Variants in LPCAT2 observed in about 807,000 individuals in gnomAD.
LPCAT2 encodes the protein lysophosphatidylcholine acyltransferase 2.
A neutral mutation model predicts 64.7 loss-of-function variants in LPCAT2; 58 were observed. That is an observed-to-expected ratio of 0.90 (90% confidence interval 0.73 to 1.12). The LOEUF is 1.12. LPCAT2 is among the 50% of genes most tolerant of loss of function. The pLI is 0.00. For missense variants in LPCAT2, 579 were observed against 669.8 expected, an observed-to-expected ratio of 0.86 and a Z score of 1.50; for synonymous variants, 252 against 245.3, an observed-to-expected ratio of 1.03 and a Z score of -0.26.
At chr16:55,536,008 G>A (rs1210378021) in intron 7 of LPCAT2, among the ~76,000 whole-genome samples, 1 of 152,158 alleles carries the variant, frequency 6.6e-6, no homozygotes, top group East Asian at 1.9e-4. Flanking sequence ...AATATTTTGA[G>A]AGTCAAAAAT....
chr16:55,580,808 T>C (rs541657617), intron 13 of LPCAT2, among the ~76,000 whole-genome samples: 2 of 147,850 alleles, frequency 1.4e-5, no homozygotes, highest in Admixed American at 1.4e-4. Flanking sequence ...ATCTGATCAG[T>C]GGAGGCATTA....
At chr16:55,512,871 G>C (rs1156436744) in intron 1 of LPCAT2, among the ~76,000 whole-genome samples, 1 of 152,172 alleles carries the variant, frequency 6.6e-6, no homozygotes, top group African/African-American at 2.4e-5. Flanking sequence ...CTAGGACTAA[G>C]GCTTCAGTCT....
chr16:55,571,113 C>T (rs1453721232), intron 11 of LPCAT2, among the ~76,000 whole-genome samples: 1 of 152,024 alleles, frequency 6.6e-6, no homozygotes, highest in African/African-American at 2.4e-5. Context: ...GTATTCAAAA[C>T]CATATCCTTA....
chr16:55,568,332 C>T lies in LPCAT2; in HGVS notation c.1216-6299C>T, dbSNP rs11861884. 2.4e-3 allele frequency among the ~76,000 whole-genome samples: 360 copies of T among 152,272 alleles called. 2 individuals are homozygous for T. Among genetic ancestry groups the T allele is most frequent in the African/African-American group, 8.1e-3 (337 of 41,562 alleles). Reference sequence around the variant, plus strand: ...CCTGTTGACGTTAGCCAGCTCTTGTCGTGTCTTGTCCTGCCTTAGAGCAAG... The same window carrying T: ...CCTGTTGACGTTAGCCAGCTCTTGTTGTGTCTTGTCCTGCCTTAGAGCAAG... On this transcript the variant is annotated intron_variant, in intron 11 of 13. Transcript: ENST00000262134.
intron 11 of LPCAT2, among the ~76,000 whole-genome samples, chr16:55,558,065 T>C (rs1165406932): frequency 7.2e-5 from 11 of 152,238 alleles, no homozygotes; most frequent in Admixed American, 3.9e-4. Flanking sequence ...TTTATTTTCA[T>C]GAACTTGTTC....
chr16:55,541,375 A>G (rs1341928170), intron 8 of LPCAT2: 1 of 152,232 alleles, frequency 6.6e-6, no homozygotes, highest in Non-Finnish European at 1.5e-5. Context: ...ACATGTACAT[A>G]TCACTTTTAA....
intron 8 of LPCAT2, among the ~76,000 whole-genome samples, chr16:55,542,249 A>C (rs10521320): frequency 0.19 from 28,453 of 152,026 alleles, 2,916 homozygotes; most frequent in East Asian, 0.4. Context: ...CACAAATGAG[A>C]TGTTAACCTG....
At chr16:55,532,722 T>G in intron 5 of LPCAT2, 102 bp from the exon 6 acceptor site, 1 of 737,250 alleles carries the variant, frequency 1.4e-6, no homozygotes, top group South Asian at 1.7e-5. Context: ...TTACACATAC[T>G]CTTAAAATAT....
chr16:55,566,898 A>G, intron 11 of LPCAT2: 2 of 1,613,868 alleles, frequency 1.2e-6, no homozygotes, highest in Non-Finnish European at 1.7e-6. Context: ...TGTGAATTTT[A>G]TCAGTGAGGC....
intron 11 of LPCAT2, among the ~76,000 whole-genome samples, chr16:55,574,068 T>G (rs1963800402): frequency 1.3e-5 from 2 of 152,202 alleles, no homozygotes; most frequent in Non-Finnish European, 2.9e-5. Flanking sequence ...TCTTCTGGGG[T>G]GATGTCCCCC....
intron 3 of LPCAT2, 74 bp from the exon 4 acceptor site, chr16:55,529,761 A>G: frequency 1.6e-6 from 1 of 632,556 alleles, no homozygotes; most frequent in African/African-American, 1.9e-5. Context: ...ACAATATGTT[A>G]TATATCCAGT....
intron 11 of LPCAT2, chr16:55,551,332 TATC>T (rs35250402): frequency 0.81 from 154,439 of 190,440 alleles, 66,175 homozygotes; most frequent in Non-Finnish European, 0.93. Context: ...TATCATATCA[TATC>T]ATATCATATA....
rs144716638 is a variant in LPCAT2, at chr16:55,557,808, T to A, written c.1215+6706T>A. On this transcript the variant is annotated intron_variant, in intron 11 of 13. Transcript: ENST00000262134. ...TCTTCCCACCTGCATTCTTGGTTCG[T>A]CTACAAAAACTTCATAATGGTTTTT... Among the ~76,000 whole-genome samples the A allele has an allele frequency of 2.1e-3, 322 of 152,308 alleles. 3 individuals carry two copies. Among genetic ancestry groups the A allele is most frequent in the African/African-American group, 7.5e-3 (310 of 41,572 alleles).
chr16:55,579,150 G>A lies in LPCAT2; in HGVS notation c.1356G>A (p.Glu452=), dbSNP rs775721256. The A allele has an allele frequency of 1.5e-5, 25 of 1,613,320 alleles. No homozygotes were observed. The highest frequency in any genetic ancestry group is 2.0e-5 in the Non-Finnish European group (24 of 1,179,588). Residue 452 remains glutamate, a synonymous_variant, in exon 13 of 14, where the codon GAG becomes GAA. Coordinates refer to ENST00000262134, the MANE Select transcript of LPCAT2 (RefSeq NM_017839.5). ...VDEDGYITEE[E]FSTILQASLG... ...AGGATGGCTACATAACGGAGGAAGAGTTCTCCACCATTCTACAGGCTTCCC... is the reference window on the plus strand; with the variant it reads ...AGGATGGCTACATAACGGAGGAAGAATTCTCCACCATTCTACAGGCTTCCC...
intron 11 of LPCAT2, among the ~76,000 whole-genome samples, chr16:55,554,626 T>G (rs900971064): frequency 6.6e-6 from 1 of 152,244 alleles, no homozygotes; most frequent in Admixed American, 6.5e-5. Context: ...ATTTGTGTGT[T>G]CACTGGGGTA....
intron 13 of LPCAT2, 84 bp downstream of exon 13, chr16:55,579,328 TTAACTAATTAC>T: frequency 7.8e-7 from 1 of 1,284,404 alleles, no homozygotes; most frequent in South Asian, 1.5e-5. Context: ...ACTGTTTCTC[TTAACTAATTAC>T]ATTAATAATA....
intron 1 of LPCAT2, among the ~76,000 whole-genome samples, chr16:55,519,617 G>T (rs904820637): frequency 6.6e-6 from 1 of 151,962 alleles, no homozygotes; most frequent in Non-Finnish European, 1.5e-5. Flanking sequence ...AAGAGCACTG[G>T]AAATGGTAAA....
chr16:55,562,282 A>G (rs1963644996), intron 11 of LPCAT2, among the ~76,000 whole-genome samples: 1 of 151,698 alleles, frequency 6.6e-6, no homozygotes, highest in Non-Finnish European at 1.5e-5. Context: ...TATATCCCTT[A>G]TCTATTTGGA....
In LPCAT2 at chr16:55,528,413, T is replaced by C; in HGVS notation, c.348T>C (p.Arg116=). 6.2e-7 allele frequency: 1 copy of C among 1,614,006 alleles called. No homozygotes were observed. The highest frequency in any genetic ancestry group is 8.5e-7 in the Non-Finnish European group (1 of 1,179,932). ...ITQTALKFLG[R]AMFFSMGFIV... ...AAACAGCTTTGAAATTTCTGGGTCG[T>C]GCTATGTTCTTTTCAATGGGATTTA... Residue 116 remains arginine, a synonymous_variant, in exon 3 of 14, where the codon CGT becomes CGC. Transcript: ENST00000262134.
Sources: gnomAD v4.1 joint callset for allele counts (sites outside exome capture counted in the v4.1 genomes callset) on GRCh38, gnomAD v4.1.1 for gene constraint, MANE v1.5 for transcripts, NCBI Gene and HGNC (gene_info 2026-07-23, HGNC 2026-07-21) for gene names.